Variants in CADPS2 observed in about 807,000 individuals in gnomAD.
CADPS2 encodes the protein calcium-dependent secretion activator 2.
Under a neutral mutation model 172.5 loss-of-function variants are expected in CADPS2, and 93 were observed. That is an observed-to-expected ratio of 0.54 (90% CI 0.46 to 0.64). The LOEUF (loss-of-function observed/expected upper bound fraction) is 0.64. CADPS2 is among the 30% of genes least tolerant of loss of function. The pLI, the probability that CADPS2 is intolerant of heterozygous loss-of-function variation, is 0.00. For missense variants in CADPS2, 1,420 were observed against 1,565.9 expected (o/e 0.91, Z 1.57); for synonymous variants, 546 against 555.2 (o/e 0.98, Z 0.23).
intron 4 of CADPS2, among the ~76,000 whole-genome samples, chr7:122,626,255 CA>C (rs2076080289): frequency 6.6e-6 from 1 of 151,964 alleles, no homozygotes. Flanking sequence ...TTAATGAGGA[CA>C]GGGGTAGAAT....
At chr7:122,702,629 T>C (rs377583045) in intron 2 of CADPS2, 1 of 1,613,448 alleles carries the variant, frequency 6.2e-7, no homozygotes, top group African/African-American at 1.3e-5. Flanking sequence ...TATATTCAGG[T>C]GAGCTGTCCA....
intron 8 of CADPS2, among the ~76,000 whole-genome samples, chr7:122,541,629 T>A (rs1310980498): frequency 1.4e-5 from 2 of 146,092 alleles, no homozygotes; most frequent in Non-Finnish European, 3.0e-5. Context: ...CCATATATAT[T>A]TTCATATATT....
chr7:122,737,522 G>C (rs1042022423), intron 1 of CADPS2, among the ~76,000 whole-genome samples: 1 of 152,134 alleles, frequency 6.6e-6, no homozygotes, highest in Non-Finnish European at 1.5e-5. Flanking sequence ...CTAATGGTTA[G>C]ACTTTAAAAC....
At chr7:122,425,415 C>T (rs1399064025) in intron 17 of CADPS2, among the ~76,000 whole-genome samples, 1 of 139,742 alleles carries the variant, frequency 7.2e-6, no homozygotes, top group Admixed American at 7.3e-5. Flanking sequence ...TGGCGAAACC[C>T]TATCTCTACC....
intron 29 of CADPS2, among the ~76,000 whole-genome samples, chr7:122,322,230 T>C (rs1410446517): frequency 6.6e-6 from 1 of 152,218 alleles, no homozygotes; most frequent in East Asian, 1.9e-4. Context: ...AGTTTTTGAG[T>C]TCAACTTTCT....
intron 2 of CADPS2, among the ~76,000 whole-genome samples, chr7:122,694,528 A>C (rs2136112786): frequency 6.6e-6 from 1 of 152,292 alleles, no homozygotes; most frequent in Admixed American, 6.5e-5. Flanking sequence ...TCTGATAAAG[A>C]TGCTGCCATA....
intron 1 of CADPS2, 26 bp downstream of exon 1, chr7:122,885,973 A>G (rs1276416476): frequency 4.4e-6 from 7 of 1,588,364 alleles, no homozygotes; most frequent in Non-Finnish European, 6.0e-6. Context: ...AAGTGGTGGT[A>G]GGAGGCGCCC....
intron 10 of CADPS2, 58 bp downstream of exon 10, chr7:122,491,254 T>C: frequency 9.0e-7 from 1 of 1,107,204 alleles, no homozygotes; most frequent in Non-Finnish European, 1.3e-6. Flanking sequence ...ACAAAGGATA[T>C]TTATAAGAAT....
intron 2 of CADPS2, among the ~76,000 whole-genome samples, chr7:122,690,140 T>C (rs766398101): frequency 4.6e-5 from 7 of 152,166 alleles, no homozygotes; most frequent in Non-Finnish European, 1.0e-4. Flanking sequence ...TACTGGAGCA[T>C]GCCAACTTAC....
chr7:122,492,775 T>C (rs558979364), intron 9 of CADPS2, among the ~76,000 whole-genome samples: 122 of 152,156 alleles, frequency 8.0e-4, no homozygotes, highest in Non-Finnish European at 1.5e-3. Context: ...TTATGGCTCA[T>C]TGCAGCCTCC....
chr7:122,594,300 C>G (rs1195792289), intron 6 of CADPS2, among the ~76,000 whole-genome samples: 1 of 151,764 alleles, frequency 6.6e-6, no homozygotes, highest in African/African-American at 2.4e-5. Context: ...CAAGAAGAGA[C>G]AAAATCCTGA....
At chr7:122,408,225 A>AT (rs975741324) in intron 19 of CADPS2, among the ~76,000 whole-genome samples, 2 of 150,798 alleles carry the variant, frequency 1.3e-5, no homozygotes, top group East Asian at 1.9e-4. Context: ...GCTGTTTTCA[A>AT]TTTTTTGCTA....
chr7:122,618,266 T>C (rs535146635), intron 5 of CADPS2, among the ~76,000 whole-genome samples: 1 of 152,202 alleles, frequency 6.6e-6, no homozygotes, highest in Admixed American at 6.5e-5. Flanking sequence ...TTTGATACCA[T>C]AAAAATCCTT....
chr7:122,742,051 A>C (rs2092504562), intron 1 of CADPS2, among the ~76,000 whole-genome samples: 1 of 152,190 alleles, frequency 6.6e-6, no homozygotes, highest in Non-Finnish European at 1.5e-5. Flanking sequence ...ATGGATCATA[A>C]GTTCTGAGTT....
At chr7:122,748,023 T>C (rs78707934) in intron 1 of CADPS2, among the ~76,000 whole-genome samples, 2,564 of 152,306 alleles carry the variant, frequency 0.017, 30 homozygotes, top group Non-Finnish European at 0.026. Flanking sequence ...TGCAGATTTC[T>C]TCAACGCAGA....
chr7:122,415,555 T>C (rs2047790904), intron 18 of CADPS2, among the ~76,000 whole-genome samples: 1 of 150,758 alleles, frequency 6.6e-6, no homozygotes, highest in South Asian at 2.1e-4. Context: ...TTCTTTCCTT[T>C]GTTACTGCAG....
chr7:122,389,755 C>T (rs2151458370), intron 22 of CADPS2, among the ~76,000 whole-genome samples: 1 of 152,106 alleles, frequency 6.6e-6, no homozygotes, highest in East Asian at 1.9e-4. Context: ...AATTGCTTCA[C>T]ATATACTAAC....
At chr7:122,398,333 C>G (rs1368259316) in intron 20 of CADPS2, among the ~76,000 whole-genome samples, 5 of 152,118 alleles carry the variant, frequency 3.3e-5, no homozygotes, top group Non-Finnish European at 1.5e-5. Flanking sequence ...TAAAAATATG[C>G]TGCTGACTCT....
chr7:122,747,959 T>A (rs1265441764), intron 1 of CADPS2, among the ~76,000 whole-genome samples: 2 of 152,172 alleles, frequency 1.3e-5, no homozygotes, highest in Admixed American at 1.3e-4. Context: ...GTGCCACTTC[T>A]GTACCTCATA....
Sources: gnomAD v4.1 joint callset for allele counts (sites outside exome capture counted in the v4.1 genomes callset) on GRCh38, gnomAD v4.1.1 for gene constraint, MANE v1.5 for transcripts, NCBI Gene and HGNC (gene_info 2026-07-23, HGNC 2026-07-21) for gene names.